Variants in EMCN observed in about 807,000 individuals in gnomAD.
EMCN encodes the protein MUC-14.
Under a neutral mutation model 38.4 loss-of-function variants are expected in EMCN, and 37 were observed. The ratio of observed to expected loss-of-function variants is 0.96; its 90% CI spans 0.74 to 1.27. The LOEUF (loss-of-function observed/expected upper bound fraction) is 1.27, where lower values mean the gene tolerates loss of function less well. EMCN is among the 50% of genes most tolerant of loss of function. The probability of loss-of-function intolerance (pLI) is 0.00; values close to 1 mark genes in which losing one functional copy is unlikely to be tolerated. For synonymous variants in EMCN, 95 were observed against 100.8 expected (o/e 0.94, Z 0.35); for missense variants, 318 against 302.8 (o/e 1.05, Z -0.37).
intron 4 of EMCN, among the ~76,000 whole-genome samples, chr4:100,459,468 A>G (rs1262833910): frequency 6.6e-6 from 1 of 152,136 alleles, no homozygotes; most frequent in Non-Finnish European, 1.5e-5. Flanking sequence ...TAGAAAATAC[A>G]TTATTATTAA....
intron 10 of EMCN, among the ~76,000 whole-genome samples, chr4:100,410,927 G>A (rs1450205352): frequency 6.6e-6 from 1 of 152,076 alleles, no homozygotes; most frequent in Non-Finnish European, 1.5e-5. Context: ...AAGCTGAGAG[G>A]CCCCAAGTAT....
intron 1 of EMCN, among the ~76,000 whole-genome samples, chr4:100,492,625 C>T (rs1180102708): frequency 6.6e-6 from 1 of 151,888 alleles, no homozygotes; most frequent in Non-Finnish European, 1.5e-5. Flanking sequence ...ACTACCAAAA[C>T]ATTAAAGATG....
intron 1 of EMCN, among the ~76,000 whole-genome samples, chr4:100,493,686 A>G (rs1333226175): frequency 2.0e-5 from 3 of 152,220 alleles, no homozygotes; most frequent in African/African-American, 7.2e-5. Context: ...GATGAATGCA[A>G]TTATTATTTT....
chr4:100,486,953 TA>T, intron 1 of EMCN: 1 of 985,288 alleles, frequency 1.0e-6, no homozygotes, highest in Non-Finnish European at 1.2e-6. Context: ...AGTAATGAGA[TA>T]TTTTTAGATT....
At chr4:100,474,804 A>G (rs995230128) in intron 3 of EMCN, among the ~76,000 whole-genome samples, 3 of 152,210 alleles carry the variant, frequency 2.0e-5, no homozygotes, top group African/African-American at 4.8e-5. Flanking sequence ...AGGCAAATCT[A>G]TAAAGGAGGT....
At chr4:100,410,408 G>A (rs1726520361) in intron 10 of EMCN, 53 bp from the exon 11 acceptor site, 1 of 1,524,592 alleles carries the variant, frequency 6.6e-7, no homozygotes, top group Non-Finnish European at 9.0e-7. Flanking sequence ...GAGTAAGGAT[G>A]AAAATAAAGT....
chr4:100,443,565 G>A (rs1473977999), intron 5 of EMCN, among the ~76,000 whole-genome samples: 4 of 152,202 alleles, frequency 2.6e-5, no homozygotes, highest in Non-Finnish European at 4.4e-5. Flanking sequence ...CTATTTTTGT[G>A]TTTGGTCTGA....
At chr4:100,458,422 A>G (rs1728078188) in intron 4 of EMCN, among the ~76,000 whole-genome samples, 1 of 152,170 alleles carries the variant, frequency 6.6e-6, no homozygotes, top group East Asian at 1.9e-4. Context: ...AAATTGATAA[A>G]TGATTCCCTA....
intron 5 of EMCN, among the ~76,000 whole-genome samples, chr4:100,438,301 A>G (rs554237148): frequency 2.6e-5 from 4 of 152,098 alleles, no homozygotes; most frequent in African/African-American, 9.6e-5. Context: ...AACATTTTCA[A>G]CGTATGATGG....
At position 100,479,564 on chromosome 4, in the gene EMCN, C is replaced by T. The variant is rs116670744; in HGVS notation, c.187+353G>A. On this transcript the variant is annotated intron_variant, in intron 2 of 11. Coordinates refer to ENST00000296420, the MANE Select transcript of EMCN (RefSeq NM_016242.4). ...CAATCTGTTATTAATACAGTTTCAC[C>T]ATGTTGGCTGTGCTGCTTAGGTGGA... Among the ~76,000 whole-genome samples the T allele has an allele frequency of 4.5e-3, 680 of 152,128 alleles. 4 individuals carry two copies. The highest frequency in any genetic ancestry group is 0.015 in the African/African-American group (638 of 41,524).
At chr4:100,463,461 T>G (rs1728236744) in intron 4 of EMCN, among the ~76,000 whole-genome samples, 1 of 152,146 alleles carries the variant, frequency 6.6e-6, no homozygotes, top group Non-Finnish European at 1.5e-5. Flanking sequence ...AGCTCATCAT[T>G]TTCTTTCCTT....
At chr4:100,417,048 G>T in intron 9 of EMCN, 69 bp downstream of exon 9, 1 of 1,467,228 alleles carries the variant, frequency 6.8e-7, no homozygotes, top group Non-Finnish European at 9.5e-7. Flanking sequence ...AAAAGTATAA[G>T]TAGAGTAACA....
chr4:100,414,006 C>T (rs995265469), intron 10 of EMCN, among the ~76,000 whole-genome samples: 15 of 152,248 alleles, frequency 9.9e-5, no homozygotes, highest in South Asian at 2.1e-4. Context: ...ACATTTGCAA[C>T]GAAGAAACAC....
intron 8 of EMCN, among the ~76,000 whole-genome samples, 179 bp from the exon 9 acceptor site, chr4:100,417,320 C>T (rs1049448630): frequency 1.3e-5 from 2 of 152,164 alleles, no homozygotes; most frequent in African/African-American, 4.8e-5. Context: ...ATGGTTAATA[C>T]TTATCCTGGC....
intron 1 of EMCN, among the ~76,000 whole-genome samples, chr4:100,501,912 G>T (rs1266942993): frequency 6.6e-6 from 1 of 151,704 alleles, no homozygotes; most frequent in African/African-American, 2.4e-5. Context: ...TGTTTACATG[G>T]TGTCATTTGT....
chr4:100,465,294 A>T (rs1180897480), intron 4 of EMCN, 129 bp downstream of exon 4: 1 of 550,256 alleles, frequency 1.8e-6, no homozygotes, highest in Non-Finnish European at 3.3e-6. Flanking sequence ...TGATTGTTCT[A>T]TTGGGTAGAG....
chr4:100,500,868 A>G (rs1204729560), intron 1 of EMCN, among the ~76,000 whole-genome samples: 1 of 152,114 alleles, frequency 6.6e-6, no homozygotes, highest in African/African-American at 2.4e-5. Flanking sequence ...ATTATTGCAT[A>G]AAAGGAAAGT....
chr4:100,474,466 T>C (rs1240383043), intron 3 of EMCN, among the ~76,000 whole-genome samples: 8 of 152,082 alleles, frequency 5.3e-5, no homozygotes, highest in African/African-American at 1.9e-4. Context: ...AAACATAGAG[T>C]TAACCTGTGA....
At chr4:100,421,166 A>T in intron 8 of EMCN, 116 bp downstream of exon 8, 1 of 928,890 alleles carries the variant, frequency 1.1e-6, no homozygotes, top group Non-Finnish European at 1.7e-6. Context: ...GTGATCAGGA[A>T]ATATGACATT....
Sources: allele counts gnomAD v4.1 joint callset (sites outside exome capture counted in the v4.1 genomes callset), GRCh38; gene constraint gnomAD v4.1.1; transcripts MANE v1.5; gene names NCBI Gene and HGNC (gene_info 2026-07-23, HGNC 2026-07-21).